The following EGR4 variants were observed in gnomAD, a reference collection of about 807,000 sequenced individuals.
EGR4 encodes the protein early growth response 4.
Under a neutral mutation model 25.4 loss-of-function variants are expected in EGR4, and 22 were observed. The ratio of observed to expected loss-of-function variants is 0.87; its 90% CI spans 0.62 to 1.24. The LOEUF (loss-of-function observed/expected upper bound fraction) is 1.24, where lower values mean the gene tolerates loss of function less well. Among genes scored for constraint, EGR4 ranks in the 50% most tolerant of loss-of-function variants. The pLI, the probability that EGR4 is intolerant of heterozygous loss-of-function variation, is 0.00. For missense variants in EGR4, 742 were observed against 702.9 expected, an observed-to-expected ratio of 1.06 and a Z score of -0.63; for synonymous variants, 375 against 320.1, an observed-to-expected ratio of 1.17 and a Z score of -1.83.
In EGR4 at chr2:73,291,828, C is replaced by T; in HGVS notation, c.1090G>A (p.Gly364Ser). 3 of 1,583,612 alleles carry T rather than the reference C, an allele frequency of 1.9e-6. No homozygotes were observed. Among genetic ancestry groups the T allele is most frequent in the Middle Eastern group, 1.7e-4 (1 of 5,950 alleles). ...CAGAAGCAGCGCGTGCTGCATTTGC[C>T]GCCGCGGCGCCCCTTGCGTCGCGCC... ...AKARRKGRRG[G>S]KCSTRCFCPR... is the part of the protein sequence containing the mutation. The change falls in exon 2 of 2, where the codon GGC becomes AGC. Residue 364 changes from glycine to serine, a missense_variant. Transcript: ENST00000436467.
rs1209383223 is a variant in EGR4 at position 73,291,050 on chromosome 2, T to C, written c.*407A>G. On this transcript the variant is annotated 3_prime_UTR_variant, in exon 2 of 2. Coordinates refer to ENST00000436467, the MANE Select transcript of EGR4 (RefSeq NM_001965.4). ...GGAAAAAAAACCCAAAGCAAAACGT[T>C]ACATCCAATGGCTGCTGGATAAGAC... 9.9e-6 allele frequency: 2 copies of C among 202,908 alleles called. No homozygotes were observed. The highest frequency in any genetic ancestry group is 2.0e-5 in the Non-Finnish European group (2 of 101,976). The allele number at this position is 202,908 out of a possible 1,614,324, so 12.6% of individuals were successfully genotyped here. A position where few individuals can be genotyped will look rare whatever the true frequency, so the allele number is the denominator to read the frequency against.
At chr2:73,292,922 G>T in intron 1 of EGR4, 141 bp from the exon 2 acceptor site, 3 of 1,086,842 alleles carry the variant, frequency 2.8e-6, no homozygotes, top group South Asian at 3.3e-5. Flanking sequence ...GCCCGCATAC[G>T]TCCCAAGGAG....
chr2:73,292,155 C>G lies in EGR4; in HGVS notation c.763G>C (p.Val255Leu), dbSNP rs764768778. Residue 255 changes from valine (V) to leucine (L), a missense_variant, in exon 2 of 2, where the codon GTC (valine) becomes CTC (leucine). Val to Leu is a conservative substitution (Grantham distance 32). Transcript: ENST00000436467. ...CTGGGATAGAGTCTGTTGGCTGGGACGGCCGGCAGTTCCGCAGGGCAGCTG... is the reference window on the plus strand; with the variant it reads ...CTGGGATAGAGTCTGTTGGCTGGGAGGGCCGGCAGTTCCGCAGGGCAGCTG... ...SISCPAELPA[V>L]PANRLYPSGA... is the part of the protein sequence containing the mutation. 5.0e-6 allele frequency: 8 copies of G among 1,587,872 alleles called. No homozygotes were observed. Among genetic ancestry groups the G allele is most frequent in the Non-Finnish European group, 6.9e-6 (8 of 1,166,944 alleles).
At position 73,291,341 on chromosome 2, in the gene EGR4, C is replaced by T. The variant is rs1433781719; in HGVS notation, c.*116G>A. 2.8e-6 allele frequency: 4 copies of T among 1,433,194 alleles called. No homozygotes were observed. The highest frequency in any genetic ancestry group is 3.7e-6 in the Non-Finnish European group (4 of 1,073,200). 88.8% of individuals were successfully genotyped at this position (1,433,194 alleles called of 1,614,324 possible). On this transcript the variant is annotated 3_prime_UTR_variant, in exon 2 of 2. Coordinates refer to ENST00000436467, the MANE Select transcript of EGR4 (RefSeq NM_001965.4). ...CGCTTCAAGGAAACTGGAAGCGGGA[C>T]CGGAGGCCGGCCCTCGGGCGTGCGA...
Position 73,291,703 on chromosome 2 carries a change from C to G in EGR4, c.1215G>C (p.Thr405=), listed in dbSNP as rs986413701. The change falls in exon 2 of 2, where the codon ACG becomes ACC. Residue 405 remains threonine (T), a synonymous_variant. Transcript: ENST00000436467. ...DELNRHLRIH[T]GHKPFQCRIC... ...TGCGGCACTGGAAGGGTTTGTGGCC[C>G]GTGTGGATGCGCAGGTGGCGATTGA... The G allele has an allele frequency of 6.2e-7, 1 of 1,607,156 alleles. No individual in the cohort carries two copies. The highest frequency in any genetic ancestry group is 2.2e-5 in the East Asian group (1 of 44,846).
rs771452138 is a variant in EGR4 at position 73,291,586 on chromosome 2, G to A, written c.1332C>T (p.Gly444=). 5.0e-6 allele frequency: 8 copies of A among 1,612,980 alleles called. No homozygotes were observed. Among genetic ancestry groups the A allele is most frequent in the South Asian group, 1.1e-5 (1 of 91,080 alleles). The change falls in exon 2 of 2, where the codon GGC becomes GGT. Residue 444 remains glycine (G), a synonymous_variant. Coordinates refer to ENST00000436467, the MANE Select transcript of EGR4 (RefSeq NM_001965.4). The part of the protein sequence containing the change: ...GEKPFACDVC[G]RRFARSDEKK... Reference sequence around the variant, plus strand: ...TCTCATCGCTGCGCGCGAAGCGGCGGCCGCACACGTCGCAAGCAAAAGGCT... The same window carrying A: ...TCTCATCGCTGCGCGCGAAGCGGCGACCGCACACGTCGCAAGCAAAAGGCT...
Position 73,292,477 on chromosome 2 carries a change from C to T in EGR4, c.441G>A (p.Pro147=), listed in dbSNP as rs562209534. The T allele has an allele frequency of 4.6e-6, 7 of 1,516,018 alleles. No individual in the cohort carries two copies. Among genetic ancestry groups the T allele is most frequent in the Non-Finnish European group, 5.3e-6 (6 of 1,136,108 alleles). 93.9% of individuals were successfully genotyped at this position (1,516,018 alleles called of 1,614,324 possible). The change falls in exon 2 of 2, where the codon CCG becomes CCA. Residue 147 remains proline (P), a synonymous_variant. Transcript: ENST00000436467. Reference sequence around the variant, plus strand: ...CTGGGAAAGGGGCAGCGCCCAGATCCGGGGAGTAAAGGTCCGGCGGACCCG... The same window carrying T: ...CTGGGAAAGGGGCAGCGCCCAGATCTGGGGAGTAAAGGTCCGGCGGACCCG... The part of the protein sequence containing the change: ...LLPGPPDLYS[P]DLGAAPFPEA...
At position 73,292,356 on chromosome 2, in the gene EGR4, C is replaced by G; in HGVS notation, c.562G>C (p.Ala188Pro). 1 of 1,561,586 alleles carries G rather than the reference C, an allele frequency of 6.4e-7. No homozygotes were observed. Among genetic ancestry groups the G allele is most frequent in the East Asian group, 2.3e-5 (1 of 44,194 alleles). The change falls in exon 2 of 2, where the codon GCG becomes CCG. Residue 188 changes from alanine (A) to proline (P), a missense_variant. Ala to Pro is a conservative substitution (Grantham distance 27). Coordinates refer to ENST00000436467, the MANE Select transcript of EGR4 (RefSeq NM_001965.4). Reference protein sequence around the residue: ...SPPDVKPGLRAPPASPALDAV... With the variant: ...SPPDVKPGLRPPPASPALDAV... ...TCCAGCGCTGGCGAGGCGGGAGGCG[C>G]CCGGAGGCCGGGCTTGACGTCGGGC...
Position 73,291,253 on chromosome 2 carries a change from G to T in EGR4, c.*204C>A. ...CCCCCAAAGCGCGGCTGACAAGGGT[G>T]ACAGCGCCTGGACCGCGGGAACTGT... On this transcript the variant is annotated 3_prime_UTR_variant, in exon 2 of 2. Coordinates refer to ENST00000436467, the MANE Select transcript of EGR4 (RefSeq NM_001965.4). 1.4e-6 allele frequency: 1 copy of T among 694,824 alleles called. No individual in the cohort carries two copies. Among genetic ancestry groups the T allele is most frequent in the Non-Finnish European group, 2.3e-6 (1 of 435,444 alleles). 43.0% of individuals were successfully genotyped at this position (694,824 alleles called of 1,614,324 possible).
In EGR4 at chr2:73,291,252, T is replaced by C. The variant is rs369523117; in HGVS notation, c.*205A>G. On this transcript the variant is annotated 3_prime_UTR_variant, in exon 2 of 2. Transcript: ENST00000436467. The stretch of plus-strand genomic sequence containing the variant: ...TCCCCCAAAGCGCGGCTGACAAGGG[T>C]GACAGCGCCTGGACCGCGGGAACTG... 1.2e-3 allele frequency: 839 copies of C among 680,456 alleles called. 16 individuals carry two copies. The South Asian group carries it at 0.015, about 12-fold the overall frequency. 42.2% of individuals were successfully genotyped at this position (680,456 alleles called of 1,614,324 possible). A position where few individuals can be genotyped will look rare whatever the true frequency, so the allele number is the denominator to read the frequency against.
In EGR4 at chr2:73,291,320, T is replaced by G. The variant is rs2103938050; in HGVS notation, c.*137A>C. ...GAATAGGGCGTGTGCGGCGGGCGCT[T>G]CAAGGAAACTGGAAGCGGGACCGGA... On this transcript the variant is annotated 3_prime_UTR_variant, in exon 2 of 2. Transcript: ENST00000436467. The G allele has an allele frequency of 2.3e-6, 3 of 1,287,468 alleles. No individual in the cohort carries two copies. The East Asian group carries it at 7.3e-5, about 31-fold the overall frequency. The allele number at this position is 1,287,468 out of a possible 1,614,324, so 79.8% of individuals were successfully genotyped here.
rs1392491005 is a variant in EGR4, at chr2:73,292,243, G to A, written c.675C>T (p.Tyr225=). 6.2e-7 allele frequency: 1 copy of A among 1,609,778 alleles called. No individual in the cohort carries two copies. Among genetic ancestry groups the A allele is most frequent in the East Asian group, 2.2e-5 (1 of 44,734 alleles). The part of the protein sequence containing the change: ...APGNCGSQGD[Y]QAAPEARFPV... ...GAAAACGAGCCTCCGGGGCGGCCTGGTAGTCTCCCTGTGACCCACAGTTCC... is the reference window on the plus strand; with the variant it reads ...GAAAACGAGCCTCCGGGGCGGCCTGATAGTCTCCCTGTGACCCACAGTTCC... Residue 225 remains tyrosine, a synonymous_variant, in exon 2 of 2, where the codon TAC becomes TAT. Coordinates refer to ENST00000436467, the MANE Select transcript of EGR4 (RefSeq NM_001965.4).
rs1452996926 is a variant in EGR4, at chr2:73,291,582, G to A, written c.1336C>T (p.Arg446Cys). The change falls in exon 2 of 2, where the codon CGC becomes TGC. Residue 446 changes from arginine (R) to cysteine (C), a missense_variant. Arg to Cys is a radical substitution (Grantham distance 180, BLOSUM62 -3). Coordinates refer to ENST00000436467, the MANE Select transcript of EGR4 (RefSeq NM_001965.4). ...TTCTTCTCATCGCTGCGCGCGAAGC[G>A]GCGGCCGCACACGTCGCAAGCAAAA... Reference protein sequence around the residue: ...KPFACDVCGRRFARSDEKKRH... With the variant: ...KPFACDVCGRCFARSDEKKRH... The A allele has an allele frequency of 2.5e-6, 4 of 1,612,668 alleles. No individual in the cohort carries two copies. Among genetic ancestry groups the A allele is most frequent in the Non-Finnish European group, 3.4e-6 (4 of 1,179,818 alleles).
At position 73,291,374 on chromosome 2, in the gene EGR4, T is replaced by C; in HGVS notation, c.*83A>G. 4 of 1,502,166 alleles carry C rather than the reference T, an allele frequency of 2.7e-6. No individual in the cohort carries two copies. Among genetic ancestry groups the C allele is most frequent in the Non-Finnish European group, 3.5e-6 (4 of 1,127,222 alleles). The allele number at this position is 1,502,166 out of a possible 1,614,324, so 93.1% of individuals were successfully genotyped here. A position where few individuals can be genotyped will look rare whatever the true frequency, so the allele number is the denominator to read the frequency against. On this transcript the variant is annotated 3_prime_UTR_variant, in exon 2 of 2. Coordinates refer to ENST00000436467, the MANE Select transcript of EGR4 (RefSeq NM_001965.4). ...CGGCCCTCGGGCGTGCGAGGAGGAG[T>C]TGGAAGAAGAGCGGGGAGGGGAACG...
Position 73,292,460 on chromosome 2 carries a change from G to T in EGR4, c.458C>A (p.Pro153His). 1 of 1,505,356 alleles carries T rather than the reference G, an allele frequency of 6.6e-7. No homozygotes were observed. The highest frequency in any genetic ancestry group is 8.9e-7 in the Non-Finnish European group (1 of 1,129,802). 93.2% of individuals were successfully genotyped at this position (1,505,356 alleles called of 1,614,324 possible). The change falls in exon 2 of 2, where the codon CCT becomes CAT. Residue 153 changes from proline to histidine, a missense_variant. Coordinates refer to ENST00000436467, the MANE Select transcript of EGR4 (RefSeq NM_001965.4). ...GGCCTCCCAGAACGCCTCTGGGAAA[G>T]GGGCAGCGCCCAGATCCGGGGAGTA... is the stretch of plus-strand genomic sequence containing the variant. Reference protein sequence around the residue: ...DLYSPDLGAAPFPEAFWEASP... With the variant: ...DLYSPDLGAAHFPEAFWEASP...
Position 73,291,665 on chromosome 2 carries a change from T to G in EGR4, c.1253A>C (p.Asn418Thr), listed in dbSNP as rs1472490607. 1 of 1,611,320 alleles carries G rather than the reference T, an allele frequency of 6.2e-7. No individual in the cohort carries two copies. The highest frequency in any genetic ancestry group is 8.5e-7 in the Non-Finnish European group (1 of 1,179,850). ...KPFQCRICLR[N>T]FSRSDHLTTH... ...GGTGAGGTGGTCGCTGCGGCTGAAG[T>G]TGCGGAGGCAGATGCGGCACTGGAA... Residue 418 changes from asparagine (N) to threonine (T), a missense_variant, in exon 2 of 2, where the codon AAC becomes ACC. Coordinates refer to ENST00000436467, the MANE Select transcript of EGR4 (RefSeq NM_001965.4).
In EGR4 at chr2:73,293,401, G is replaced by A; in HGVS notation, c.-84C>T. ...GGTGGCGGGGAGGCTGGCGGTAGGGGTTCCCCGCAGCGCACAGACCTAGGC... is the reference window on the plus strand; with the variant it reads ...GGTGGCGGGGAGGCTGGCGGTAGGGATTCCCCGCAGCGCACAGACCTAGGC... On this transcript the variant is annotated 5_prime_UTR_variant, in exon 1 of 2. Transcript: ENST00000436467. 2 of 1,510,764 alleles carry A rather than the reference G, an allele frequency of 1.3e-6. No individual in the cohort carries two copies. Among genetic ancestry groups the A allele is most frequent in the South Asian group, 2.5e-5 (2 of 79,332 alleles). The allele number at this position is 1,510,764 out of a possible 1,614,324, so 93.6% of individuals were successfully genotyped here. A position where few individuals can be genotyped will look rare whatever the true frequency, so the allele number is the denominator to read the frequency against.
rs779922034 is a variant in EGR4 at position 73,291,543 on chromosome 2, C to A, written c.1375G>T (p.Val459Leu). 1.9e-5 allele frequency: 31 copies of A among 1,613,350 alleles called. No homozygotes were observed. Among genetic ancestry groups the A allele is most frequent in the Non-Finnish European group, 2.6e-5 (31 of 1,179,856 alleles). The change falls in exon 2 of 2, where the codon GTG (valine) becomes TTG (leucine). Residue 459 changes from valine (V) to leucine (L), a missense_variant. Transcript: ENST00000436467. ...RSDEKKRHSK[V>L]HLKQKARAEE... ...GCGCGCGCCTTCTGCTTGAGGTGCA[C>A]CTTGCTGTGCCGTTTCTTCTCATCG...
In EGR4 at chr2:73,291,542, A is replaced by G. The variant is rs1393081386; in HGVS notation, c.1376T>C (p.Val459Ala). ...RSDEKKRHSK[V>A]HLKQKARAEE... ...GGCGCGCGCCTTCTGCTTGAGGTGC[A>G]CCTTGCTGTGCCGTTTCTTCTCATC... Residue 459 changes from valine (V) to alanine (A), a missense_variant, in exon 2 of 2, where the codon GTG (valine) becomes GCG (alanine). By Grantham distance (64) the Val-to-Ala change is moderately conservative. Transcript: ENST00000436467. 3.1e-6 allele frequency: 5 copies of G among 1,613,014 alleles called. No homozygotes were observed. Among genetic ancestry groups the G allele is most frequent in the Non-Finnish European group, 4.2e-6 (5 of 1,179,768 alleles).
Sources: gnomAD v4.1 joint callset for allele counts on GRCh38, gnomAD v4.1.1 for gene constraint, MANE v1.5 for transcripts, NCBI Gene and HGNC (gene_info 2026-07-23, HGNC 2026-07-21) for gene names.